The following DGLUCY variants were observed in gnomAD, a reference collection of about 807,000 sequenced individuals.
The protein encoded by DGLUCY is D-glutamate cyclase, mitochondrial.
In DGLUCY, 58 loss-of-function variants were observed where a neutral mutation model predicts 58.5. That is an observed-to-expected ratio of 0.99 (90% CI 0.80 to 1.23). The LOEUF (loss-of-function observed/expected upper bound fraction) is 1.23. Ranked by LOEUF, DGLUCY falls within the 50% of genes most tolerant of loss-of-function variation. The pLI is 0.00. For synonymous variants in DGLUCY, 325 were observed against 314.1 expected (o/e 1.03, Z -0.37); for missense variants, 779 against 784.7 (o/e 0.99, Z 0.09).
At chr14:91,211,398 C>G (rs1369797959) in intron 12 of DGLUCY, among the ~76,000 whole-genome samples, 2 of 152,146 alleles carry the variant, frequency 1.3e-5, no homozygotes, top group Admixed American at 1.3e-4. Context: ...AGAACGAGAT[C>G]AGAGGACTGA....
At chr14:91,222,763 G>A (rs1479558411) in intron 13 of DGLUCY, among the ~76,000 whole-genome samples, 5 of 152,266 alleles carry the variant, frequency 3.3e-5, no homozygotes, top group African/African-American at 7.2e-5. Context: ...GCCCCTTGTC[G>A]TAGCTCAAGC....
intron 12 of DGLUCY, among the ~76,000 whole-genome samples, chr14:91,212,071 G>A (rs1170658448): frequency 6.6e-6 from 1 of 152,192 alleles, no homozygotes; most frequent in Admixed American, 6.5e-5. Context: ...TGAAAGTGCT[G>A]GGATTACAGG....
At chr14:91,082,584 C>A (rs2044145345) in intron 1 of DGLUCY, among the ~76,000 whole-genome samples, 1 of 152,132 alleles carries the variant, frequency 6.6e-6, no homozygotes, top group African/African-American at 2.4e-5. Flanking sequence ...AAGGTTGAAG[C>A]CAGCTGTTAG....
chr14:91,162,069 C>T (rs2048026423), intron 3 of DGLUCY, among the ~76,000 whole-genome samples: 1 of 152,060 alleles, frequency 6.6e-6, no homozygotes, highest in Non-Finnish European at 1.5e-5. Context: ...TACTAGCAAA[C>T]TGTGACCTTT....
chr14:91,183,061 G>A (rs909702989), intron 8 of DGLUCY, among the ~76,000 whole-genome samples: 5 of 151,208 alleles, frequency 3.3e-5, no homozygotes, highest in South Asian at 2.1e-4. Flanking sequence ...ATGCGATCTT[G>A]GCTCACTGTA....
chr14:91,110,004 G>A (rs758743226), upstream of DGLUCY, among the ~76,000 whole-genome samples: 3 of 152,186 alleles, frequency 2.0e-5, no homozygotes, highest in Non-Finnish European at 4.4e-5. Flanking sequence ...AAATAGCTAC[G>A]ATTACTTGGC....
chr14:91,091,437 G>A (rs1254620992), intron 1 of DGLUCY, among the ~76,000 whole-genome samples: 1 of 152,094 alleles, frequency 6.6e-6, no homozygotes, highest in Non-Finnish European at 1.5e-5. Context: ...CAGGAGAATC[G>A]CTTGAACCTG....
intron 3 of DGLUCY, among the ~76,000 whole-genome samples, chr14:91,161,192 T>C (rs12432858): frequency 0.57 from 86,330 of 152,088 alleles, 26,448 homozygotes; most frequent in African/African-American, 0.8. Context: ...CTGCCTCAGC[T>C]TCCCAGTAGC....
chr14:91,070,489 C>T (rs1367457037), intron 1 of DGLUCY, among the ~76,000 whole-genome samples: 1 of 152,092 alleles, frequency 6.6e-6, no homozygotes, highest in Non-Finnish European at 1.5e-5. Flanking sequence ...AATTCTCCAT[C>T]ACATCAGAGA....
chr14:91,105,680 G>A (rs1302161263), upstream of DGLUCY, among the ~76,000 whole-genome samples: 2 of 152,180 alleles, frequency 1.3e-5, no homozygotes, highest in South Asian at 2.1e-4. Context: ...TTCAAGGGGC[G>A]TCCTCAAACT....
chr14:91,200,968 A>C (rs939630048), intron 11 of DGLUCY, among the ~76,000 whole-genome samples: 1 of 149,886 alleles, frequency 6.7e-6, no homozygotes, highest in African/African-American at 2.5e-5. Context: ...GTGGGGGAGG[A>C]TATTACAAAG....
intron 1 of DGLUCY, among the ~76,000 whole-genome samples, chr14:91,134,689 T>C (rs2046224865): frequency 6.6e-6 from 1 of 152,082 alleles, no homozygotes; most frequent in African/African-American, 2.4e-5. Flanking sequence ...CCACCTGCCT[T>C]GGCCACCCAA....
intron 5 of DGLUCY, among the ~76,000 whole-genome samples, chr14:91,172,122 G>C (rs1410584487): frequency 2.0e-5 from 3 of 151,914 alleles, no homozygotes; most frequent in African/African-American, 7.3e-5. Flanking sequence ...GGCTGGAGTG[G>C]TGCAGTGGCA....
At chr14:91,111,200 A>ATGTGTGTGTGTGTG (rs1183383205), upstream of DGLUCY, among the ~76,000 whole-genome samples, 49 of 79,152 alleles carry the variant, frequency 6.2e-4, no homozygotes, top group African/African-American at 1.5e-3. Flanking sequence ...TTATTTATAT[A>ATGTGTGTGTGTGTG]TATGTGTGTG....
intron 1 of DGLUCY, among the ~76,000 whole-genome samples, chr14:91,153,165 C>T (rs1044134027): frequency 1.3e-5 from 2 of 152,114 alleles, no homozygotes; most frequent in Non-Finnish European, 2.9e-5. Context: ...GCCCATCCCT[C>T]CTGACAGTGA....
intron 1 of DGLUCY, among the ~76,000 whole-genome samples, chr14:91,068,293 G>C (rs77941874): frequency 0.021 from 3,194 of 152,256 alleles, 37 homozygotes; most frequent in South Asian, 0.033. Flanking sequence ...TTCCACCTCC[G>C]TTTCAACCTG....
chr14:91,066,949 C>T (rs568567115), intron 1 of DGLUCY, among the ~76,000 whole-genome samples: 52 of 151,440 alleles, frequency 3.4e-4, no homozygotes, highest in African/African-American at 1.2e-3. Context: ...TGCATGGTGG[C>T]GGGCGCCAGT....
chr14:91,116,716 C>T (rs986377624), intron 1 of DGLUCY, among the ~76,000 whole-genome samples: 73 of 152,220 alleles, frequency 4.8e-4, no homozygotes, highest in African/African-American at 1.6e-3. Flanking sequence ...GAGGCCAAGG[C>T]AGACAGATCA....
At chr14:91,224,397 C>T (rs1301170059) in intron 13 of DGLUCY, among the ~76,000 whole-genome samples, 1 of 152,156 alleles carries the variant, frequency 6.6e-6, no homozygotes, top group Non-Finnish European at 1.5e-5. Flanking sequence ...ACTATGTTTC[C>T]ATTAAAGCAT....
Sources: allele counts gnomAD v4.1 joint callset (sites outside exome capture counted in the v4.1 genomes callset), GRCh38; gene constraint gnomAD v4.1.1; transcripts MANE v1.5; gene names NCBI Gene and HGNC (gene_info 2026-07-23, HGNC 2026-07-21).